The following NUTM2F variants were observed in gnomAD, a reference collection of about 807,000 sequenced individuals.
The protein encoded by NUTM2F is NUT family member 2F, also known as family with sequence similarity 22, member F.
A neutral mutation model predicts 43.3 loss-of-function variants in NUTM2F; 22 were observed. The ratio of observed to expected loss-of-function variants is 0.51; its 90% CI spans 0.36 to 0.73. NUTM2F has a LOEUF of 0.73. NUTM2F is among the 30% of genes least tolerant of loss of function. The pLI is 0.00. For missense variants in NUTM2F, 488 were observed against 927.4 expected, an observed-to-expected ratio of 0.53 and a Z score of 6.15; for synonymous variants, 202 against 389.0, an observed-to-expected ratio of 0.52 and a Z score of 5.66.
intron 2 of NUTM2F, among the ~76,000 whole-genome samples, chr9:94,324,674 A>AG (rs1554718718): frequency 6.8e-6 from 1 of 147,526 alleles, no homozygotes; most frequent in Non-Finnish European, 1.5e-5. Flanking sequence ...AAAAAAAAAA[A>AG]AAAAGAAAAG....
intron 3 of NUTM2F, 149 bp from the exon 4 acceptor site, chr9:94,321,381 G>T (rs1831364849): frequency 2.2e-6 from 3 of 1,360,128 alleles, no homozygotes; most frequent in Admixed American, 2.6e-5. Context: ...TCCCAGGAGG[G>T]AGCTGCTCCC....
In NUTM2F at chr9:94,325,613, C is replaced by T. The variant is rs759150006; in HGVS notation, c.338G>A (p.Gly113Asp). The change falls in exon 2 of 7, where the codon GGC becomes GAC. Residue 113 changes from glycine to aspartate, a missense_variant. Gly to Asp is a moderately conservative substitution (Grantham distance 94). Transcript: ENST00000253262. ...ACACATGACACCTCCACAGAGGGTG[C>T]CTGGAGCCTGCCAGACGAGGGGGGC... Reference protein sequence around the residue: ...TQAPLVWQAPGTLCGGVMCPP... With the variant: ...TQAPLVWQAPDTLCGGVMCPP... The T allele has an allele frequency of 1.9e-6, 3 of 1,601,546 alleles. No individual in the cohort carries two copies. The African/African-American group carries it at 4.1e-5, about 22-fold the overall frequency.
At chr9:94,323,353 G>C (rs903058097) in intron 2 of NUTM2F, among the ~76,000 whole-genome samples, 8 of 152,350 alleles carry the variant, frequency 5.3e-5, no homozygotes, top group African/African-American at 1.4e-4. Context: ...CCAGTGTGTT[G>C]CACGGTGGAT....
At position 94,319,211 on chromosome 9, in the gene NUTM2F, A is replaced by ACCCT; in HGVS notation, c.1521_1524dup (p.Cys509ArgfsTer20). 9.3e-7 allele frequency: 1 copy of ACCCT among 1,079,858 alleles called. No individual in the cohort carries two copies. The highest frequency in any genetic ancestry group is 1.3e-6 in the Non-Finnish European group (1 of 771,712). The allele number at this position is 1,079,858 out of a possible 1,614,324, so 66.9% of individuals were successfully genotyped here. A position where few individuals can be genotyped will look rare whatever the true frequency, so the allele number is the denominator to read the frequency against. ...CCATGTCGAGGGGCTGCCCTCCCGCACCCTTTCTCCTTCAAGGACAGGAGG... is the reference window on the plus strand; with the variant it reads ...CCATGTCGAGGGGCTGCCCTCCCGCACCCTCCCTTTCTCCTTCAAGGACAGGAGG... On this transcript the variant is annotated frameshift_variant, in exon 7 of 7. Transcript: ENST00000253262. LOFTEE classifies it low-confidence loss of function (END_TRUNC).
In NUTM2F at chr9:94,322,308, G is replaced by A. The variant is rs1831386569; in HGVS notation, c.735C>T (p.Ala245=). ...CCAGCGTCATGGTGGGCTTCCGCCG[G>A]GCCAGGGATCGGAGAACTGGGCTGT... ...CFLIPVLRSL[A]RRKPTMTLEE... The change falls in exon 3 of 7, where the codon GCC becomes GCT. Residue 245 remains alanine, a synonymous_variant. Transcript: ENST00000253262. The A allele has an allele frequency of 1.9e-6, 3 of 1,611,890 alleles. No homozygotes were observed. The highest frequency in any genetic ancestry group is 4.5e-5 in the East Asian group (2 of 44,870).
Position 94,318,965 on chromosome 9 carries a change from G to A in NUTM2F, c.1771C>T (p.Arg591Trp), listed in dbSNP as rs369329276. Residue 591 changes from arginine to tryptophan, a missense_variant, in exon 7 of 7, where the codon CGG (arginine) becomes TGG (tryptophan). Arg to Trp is a moderately radical substitution (Grantham distance 101). Transcript: ENST00000253262. ...TGGTCCTGGGGAGGAGAGGTTGGCC[G>A]GACAGCCTTCAGCCTGGGGGAATCC... ...CQDSPRLKAV[R>W]PTSPPQDHRP... 87 of 1,611,458 alleles carry A rather than the reference G, an allele frequency of 5.4e-5. No homozygotes were observed. The highest frequency in any genetic ancestry group is 4.3e-4 in the African/African-American group (32 of 74,250).
At position 94,319,733 on chromosome 9, in the gene NUTM2F, GAAACAGAAGGAAGA is replaced by G. The variant is rs1831331200; in HGVS notation, c.1369-18_1369-5del. On this transcript the variant is annotated splice_region_variant and splice_polypyrimidine_tract_variant and intron_variant, in intron 5 of 6. Coordinates refer to ENST00000253262, the MANE Select transcript of NUTM2F (RefSeq NM_017561.2). Reference sequence around the variant, plus strand: ...GGGGGTGAATGACGGCCTCCACCTGGAAACAGAAGGAAGAAGGTGTGAACTTCCTGGGGAGGGAG... The same window carrying G: ...GGGGGTGAATGACGGCCTCCACCTGGAGGTGTGAACTTCCTGGGGAGGGAG... 1 of 1,606,366 alleles carries G rather than the reference GAAACAGAAGGAAGA, an allele frequency of 6.2e-7. No homozygotes were observed. Among genetic ancestry groups the G allele is most frequent in the African/African-American group, 1.3e-5 (1 of 74,560 alleles).
rs201613053 is a variant in NUTM2F at position 94,320,466 on chromosome 9, G to A, written c.1110C>T (p.Asn370=). 68 of 1,591,912 alleles carry A rather than the reference G, an allele frequency of 4.3e-5. No homozygotes were observed. Among genetic ancestry groups the A allele is most frequent in the African/African-American group, 5.4e-5 (4 of 74,544 alleles). ...GGGGCCTGGGTGGTGGCAGGTGGGC[G>A]TTGGTCTCCGCTGGCCTCTGGGGCC... ...PPRPQRPAET[N]AHLPPPRPQR... Residue 370 remains asparagine, a synonymous_variant, in exon 5 of 7, where the codon AAC becomes AAT. Transcript: ENST00000253262. This position sits in a 1 kb window ranked among gnomAD's most constrained non-coding sequence, Gnocchi z 4.5.
At chr9:94,328,305 C>T (rs1440442755) in intron 1 of NUTM2F, among the ~76,000 whole-genome samples, 2 of 152,014 alleles carry the variant, frequency 1.3e-5, no homozygotes, top group East Asian at 3.9e-4. Context: ...ACGATCCCAC[C>T]ACTCCCTACA....
At chr9:94,323,857 C>G (rs1188758615) in intron 2 of NUTM2F, among the ~76,000 whole-genome samples, 2 of 150,614 alleles carry the variant, frequency 1.3e-5, no homozygotes, top group African/African-American at 2.5e-5. Flanking sequence ...CGCGGCAGAA[C>G]AGTGTGGGTG....
At chr9:94,319,584 C>T in intron 6 of NUTM2F, 29 bp downstream of exon 6, 1 of 1,612,324 alleles carries the variant, frequency 6.2e-7, no homozygotes, top group Non-Finnish European at 8.5e-7. Flanking sequence ...CCCTGGAGTA[C>T]CTGGGTTCCC....
Position 94,320,712 on chromosome 9 carries a change from A to C in NUTM2F, c.983-119T>G. 7.3e-7 allele frequency: 1 copy of C among 1,365,626 alleles called. No homozygotes were observed. The highest frequency in any genetic ancestry group is 9.8e-7 in the Non-Finnish European group (1 of 1,023,216). The allele number at this position is 1,365,626 out of a possible 1,614,324, so 84.6% of individuals were successfully genotyped here. A position where few individuals can be genotyped will look rare whatever the true frequency, so the allele number is the denominator to read the frequency against. The stretch of plus-strand genomic sequence containing the variant: ...GTCCCAGCTGGGTCAGGACCACCTG[A>C]ACCACAGCGCCCCGGAGGAGACGCC... On this transcript the variant is annotated intron_variant, in intron 4 of 6. Transcript: ENST00000253262. The surrounding 1 kb of genome is among the most constrained non-coding windows in gnomAD (Gnocchi z 4.5).
rs569676036 is a variant in NUTM2F at position 94,322,998 on chromosome 9, T to C, written c.714-669A>G. Among the ~76,000 whole-genome samples the C allele has an allele frequency of 9.9e-4, 150 of 151,590 alleles. No individual in the cohort carries two copies. In the Middle Eastern group the frequency reaches 0.01, roughly 10 times the overall value. On this transcript the variant is annotated intron_variant, in intron 2 of 6. Transcript: ENST00000253262. Reference sequence around the variant, plus strand: ...GTTCCTGGGCCACAGGACTGAGCATTTAACCAGCTTCCTGGGGACTCTGGA... The same window carrying C: ...GTTCCTGGGCCACAGGACTGAGCATCTAACCAGCTTCCTGGGGACTCTGGA...
Position 94,325,028 on chromosome 9 carries a change from A to T in NUTM2F, c.713+210T>A, listed in dbSNP as rs185865784. Among the ~76,000 whole-genome samples, 730 of 141,472 alleles carry T rather than the reference A, an allele frequency of 5.2e-3. 37 individuals carry two copies. The highest frequency in any genetic ancestry group is 0.011 in the Admixed American group (158 of 14,366). The allele number at this position is 141,472 out of a possible 152,430, so 92.8% of individuals were successfully genotyped here. On this transcript the variant is annotated intron_variant, in intron 2 of 6. Transcript: ENST00000253262. ...ATTAAGGATTGGCTGGACTCACGGG[A>T]CAGTGACAGGCAGTTGACGTGAGGC...
chr9:94,328,553 C>T, intron 1 of NUTM2F, 55 bp downstream of exon 1: 1 of 1,613,722 alleles, frequency 6.2e-7, no homozygotes, highest in Non-Finnish European at 8.5e-7. Flanking sequence ...AATTTGAATT[C>T]CCAAGGAGTT....
intron 2 of NUTM2F, among the ~76,000 whole-genome samples, chr9:94,323,347 T>C (rs1831404040): frequency 6.6e-6 from 1 of 152,194 alleles, no homozygotes; most frequent in Non-Finnish European, 1.5e-5. Context: ...GAATGGCCAG[T>C]GTGTTGCACG....
Position 94,325,854 on chromosome 9 carries a change from G to C in NUTM2F, c.97C>G (p.Pro33Ala), listed in dbSNP as rs1414577172. The C allele has an allele frequency of 1.2e-6, 2 of 1,612,050 alleles. No homozygotes were observed. The highest frequency in any genetic ancestry group is 1.7e-6 in the Non-Finnish European group (2 of 1,179,868). The change falls in exon 2 of 7, where the codon CCC becomes GCC. Residue 33 changes from proline to alanine, a missense_variant. By Grantham distance (27) the Pro-to-Ala change is conservative. Coordinates refer to ENST00000253262, the MANE Select transcript of NUTM2F (RefSeq NM_017561.2). ...SVFTALPFAT[P>A]APGPAHRPPL... ...GGCCTGTGTGCTGGGCCGGGAGCGG[G>C]TGTGGCAAAGGGCAGAGCCGTGAAC...
intron 2 of NUTM2F, among the ~76,000 whole-genome samples, chr9:94,324,240 A>C (rs1403655885): frequency 6.6e-6 from 1 of 152,026 alleles, no homozygotes; most frequent in Non-Finnish European, 1.5e-5. Flanking sequence ...ATTGCACTCC[A>C]GCCTGGGTGA....
At chr9:94,324,669 AAAAAAAAAAG>A (rs1490760820) in intron 2 of NUTM2F, among the ~76,000 whole-genome samples, 1 of 149,156 alleles carries the variant, frequency 6.7e-6, no homozygotes, top group Non-Finnish European at 1.5e-5. Context: ...TCTCAAAAAA[AAAAAAAAAAG>A]AAAAGAAAAG....
Sources: allele counts gnomAD v4.1 joint callset (sites outside exome capture counted in the v4.1 genomes callset), GRCh38; gene constraint gnomAD v4.1.1; non-coding constraint Gnocchi (gnomAD v3.1); transcripts MANE v1.5; gene names NCBI Gene and HGNC (gene_info 2026-07-23, HGNC 2026-07-21).